GGA1: variants seen among roughly 807,000 people sequenced by gnomAD.
GGA1 encodes the protein golgi associated, gamma adaptin ear containing, ARF binding protein 1.
GGA1 carries 18 observed loss-of-function variants against 76.9 expected under a neutral mutation model. That is an observed-to-expected ratio of 0.23 (90% CI 0.16 to 0.35). The LOEUF is 0.35. GGA1 is among the 10% of genes least tolerant of loss of function. The probability of loss-of-function intolerance (pLI) is 1.00; values close to 1 mark genes in which losing one functional copy is unlikely to be tolerated. For missense variants in GGA1, 755 were observed against 859.0 expected (o/e 0.88, Z 1.51); for synonymous variants, 342 against 354.7 (o/e 0.96, Z 0.40).
At chr22:37,610,910 G>C (rs995434309) in intron 1 of GGA1, among the ~76,000 whole-genome samples, 6 of 152,234 alleles carry the variant, frequency 3.9e-5, no homozygotes, top group African/African-American at 1.4e-4. Context: ...CTTTCAGCCA[G>C]AGGCAGGGGG....
At chr22:37,612,713 G>A (rs2145881405) in intron 1 of GGA1, 1 of 156,382 alleles carries the variant, frequency 6.4e-6, no homozygotes, top group Middle Eastern at 3.2e-3. Context: ...GGCGGAGCTT[G>A]CAGTGAGCCG....
At chr22:37,616,850 G>A (rs1928890660) in intron 2 of GGA1, 72 bp from the exon 3 acceptor site, 1 of 1,465,934 alleles carries the variant, frequency 6.8e-7, no homozygotes, top group Non-Finnish European at 9.0e-7. Context: ...AGTCCCAGCG[G>A]CCTGGGGTCG....
chr22:37,620,922 C>A lies in GGA1; in HGVS notation c.528+9C>A. On this transcript the variant is annotated intron_variant, in intron 6 of 16. Coordinates refer to ENST00000343632, the MANE Select transcript of GGA1 (RefSeq NM_013365.5). ...ATGAGGAGAAATCCAAGGTGAGACT[C>A]CAAGGAGGCACATATGGGGACTCTG... 6.5e-7 allele frequency: 1 copy of A among 1,549,924 alleles called. No homozygotes were observed. The highest frequency in any genetic ancestry group is 1.7e-5 in the Admixed American group (1 of 59,948).
rs1221411442 is a variant in GGA1 at position 37,632,080 on chromosome 22, C to T, written c.1613C>T (p.Ser538Phe). ...GCCCGGGACCCACTGCCAGGGCGCT[C>T]CGACGTGCTGGTGGTGGTGGTTTCC... Reference protein sequence around the residue: ...HFARDPLPGRSDVLVVVVSML... With the variant: ...HFARDPLPGRFDVLVVVVSML... Residue 538 changes from serine to phenylalanine, a missense_variant, in exon 15 of 17, where the codon TCC (serine) becomes TTC (phenylalanine). Physicochemically the swap from Ser to Phe is radical, Grantham distance 155 (BLOSUM62 -2). Transcript: ENST00000343632. This position sits in a 1 kb window ranked among gnomAD's most constrained non-coding sequence, Gnocchi z 5.1. The T allele has an allele frequency of 1.9e-6, 3 of 1,613,758 alleles. No individual in the cohort carries two copies. The highest frequency in any genetic ancestry group is 2.5e-6 in the Non-Finnish European group (3 of 1,179,930).
At chr22:37,630,732 A>G in intron 13 of GGA1, 171 bp from the exon 14 acceptor site, 2 of 580,262 alleles carry the variant, frequency 3.4e-6, no homozygotes, top group Non-Finnish European at 6.1e-6. Context: ...ACGCCCAGCT[A>G]GTTTTTTGTA....
At chr22:37,611,390 G>A (rs1351435359) in intron 1 of GGA1, among the ~76,000 whole-genome samples, 1 of 152,110 alleles carries the variant, frequency 6.6e-6, no homozygotes, top group East Asian at 1.9e-4. Context: ...CCACCTCCCA[G>A]GCTGTCTGCA....
chr22:37,620,410 C>T, intron 5 of GGA1, 49 bp downstream of exon 5: 1 of 1,606,592 alleles, frequency 6.2e-7, no homozygotes, highest in Non-Finnish European at 8.5e-7. Flanking sequence ...CTTCCCCTCC[C>T]CCACCATGAG....
In GGA1 at chr22:37,626,098, G is replaced by A. The variant is rs756358974; in HGVS notation, c.1093+149G>A. On this transcript the variant is annotated intron_variant, in intron 11 of 16. Transcript: ENST00000343632. ...AGCATTAGGCCCACTTCACAACTGA[G>A]GAAACTGAGGCTCGGGGAAGTTAGG... 2.6e-5 allele frequency: 13 copies of A among 502,764 alleles called. No homozygotes were observed. The South Asian group carries it at 5.4e-4, about 21-fold the overall frequency. The allele number at this position is 502,764 out of a possible 1,614,324, so 31.1% of individuals were successfully genotyped here. A position where few individuals can be genotyped will look rare whatever the true frequency, so the allele number is the denominator to read the frequency against.
At chr22:37,620,143 GGA>G in intron 4 of GGA1, 93 bp from the exon 5 acceptor site, 1 of 1,419,296 alleles carries the variant, frequency 7.0e-7, no homozygotes, top group Non-Finnish European at 9.9e-7. Flanking sequence ...GGCTTCCCGG[GGA>G]GTCCTGGGGA....
rs948388892 is a variant in GGA1 at position 37,625,209 on chromosome 22, G to A, written c.940+133G>A. The A allele has an allele frequency of 4.9e-5, 38 of 769,812 alleles. No homozygotes were observed. In the African/African-American group the frequency reaches 5.3e-4, roughly 11 times the overall value. 47.7% of individuals were successfully genotyped at this position (769,812 alleles called of 1,614,324 possible). A position where few individuals can be genotyped will look rare whatever the true frequency, so the allele number is the denominator to read the frequency against. Reference sequence around the variant, plus strand: ...ACCCTGGCCCCTTAAGATGGGGAAGGCCCCAGGGAGGGAGCTGGGGGTGAA... The same window carrying A: ...ACCCTGGCCCCTTAAGATGGGGAAGACCCCAGGGAGGGAGCTGGGGGTGAA... On this transcript the variant is annotated intron_variant, in intron 10 of 16. Transcript: ENST00000343632. This position sits in a 1 kb window ranked among gnomAD's most constrained non-coding sequence, Gnocchi z 4.1.
chr22:37,613,462 G>A (rs1304244521), intron 1 of GGA1, among the ~76,000 whole-genome samples: 16 of 151,840 alleles, frequency 1.1e-4, no homozygotes, highest in African/African-American at 3.4e-4. Context: ...GGGCAGTGGC[G>A]AGACCTCGGC....
In GGA1 at chr22:37,625,850, A is replaced by G. The variant is rs770902415; in HGVS notation, c.994A>G (p.Thr332Ala). 1.9e-6 allele frequency: 3 copies of G among 1,611,538 alleles called. No individual in the cohort carries two copies. Among genetic ancestry groups the G allele is most frequent in the Non-Finnish European group, 2.5e-6 (3 of 1,178,518 alleles). ...AGGCCTGGATCTCCCGCCTGCGGGCACCACCTACCCAGCTATGCCCACCCG... is the reference window on the plus strand; with the variant it reads ...AGGCCTGGATCTCCCGCCTGCGGGCGCCACCTACCCAGCTATGCCCACCCG... ...LSGLDLPPAG[T>A]TYPAMPTRPG... Residue 332 changes from threonine to alanine, a missense_variant, in exon 11 of 17, where the codon ACC becomes GCC. Physicochemically the swap from Thr to Ala is moderately conservative, Grantham distance 58 (BLOSUM62 0). Transcript: ENST00000343632. The surrounding 1 kb of genome is among the most constrained non-coding windows in gnomAD (Gnocchi z 4.1).
Position 37,613,968 on chromosome 22 carries a change from G to C in GGA1, c.44-222G>C, listed in dbSNP as rs1238413646. On this transcript the variant is annotated intron_variant, in intron 1 of 16. Coordinates refer to ENST00000343632, the MANE Select transcript of GGA1 (RefSeq NM_013365.5). Reference sequence around the variant, plus strand: ...GAGGAGGGGAAGGGCCCTGACCATAGTCTCTAAAAGTGGGGCCCTTTGGAG... The same window carrying C: ...GAGGAGGGGAAGGGCCCTGACCATACTCTCTAAAAGTGGGGCCCTTTGGAG... The C allele has an allele frequency of 1.3e-5, 7 of 528,622 alleles. No individual in the cohort carries two copies. In the South Asian group the frequency reaches 1.4e-4, roughly 11 times the overall value. The allele number at this position is 528,622 out of a possible 1,614,324, so 32.7% of individuals were successfully genotyped here. A position where few individuals can be genotyped will look rare whatever the true frequency, so the allele number is the denominator to read the frequency against.
intron 4 of GGA1, 28 bp downstream of exon 4, chr22:37,618,574 C>T (rs1363458773): frequency 2.9e-6 from 4 of 1,387,970 alleles, no homozygotes; most frequent in Non-Finnish European, 4.1e-6. Context: ...AAGCTCAGAC[C>T]TGCCCTGTCG....
chr22:37,625,775 A>C lies in GGA1; in HGVS notation c.941-22A>C. 1 of 1,534,982 alleles carries C rather than the reference A, an allele frequency of 6.5e-7. No individual in the cohort carries two copies. The highest frequency in any genetic ancestry group is 8.8e-7 in the Non-Finnish European group (1 of 1,133,670). ...GACACGTGTACACCCAGGACTTGCC[A>C]GCCTCTTCTTTCCCACCCCAGGGAG... is the stretch of plus-strand genomic sequence containing the variant. On this transcript the variant is annotated intron_variant, in intron 10 of 16. Coordinates refer to ENST00000343632, the MANE Select transcript of GGA1 (RefSeq NM_013365.5). This position sits in a 1 kb window ranked among gnomAD's most constrained non-coding sequence, Gnocchi z 4.1.
chr22:37,619,719 C>T, intron 4 of GGA1: 1 of 748,026 alleles, frequency 1.3e-6, no homozygotes, highest in Non-Finnish European at 2.5e-6. Context: ...AGCCCACCCC[C>T]TTGGCCCTTC....
At position 37,616,832 on chromosome 22, in the gene GGA1, A is replaced by G. The variant is rs1928885740; in HGVS notation, c.129-90A>G. 4 of 1,412,462 alleles carry G rather than the reference A, an allele frequency of 2.8e-6. No homozygotes were observed. In the Admixed American group the frequency reaches 8.9e-5, roughly 31 times the overall value. 87.5% of individuals were successfully genotyped at this position (1,412,462 alleles called of 1,614,324 possible). ...TAGGGCGACCAGGGCCCCTTGGAGG[A>G]GGGCTGCAGTCCCAGCGGCCTGGGG... On this transcript the variant is annotated intron_variant, in intron 2 of 16. Transcript: ENST00000343632.
chr22:37,614,648 T>C (rs1928404908), intron 2 of GGA1, among the ~76,000 whole-genome samples: 1 of 152,218 alleles, frequency 6.6e-6, no homozygotes, highest in Non-Finnish European at 1.5e-5. Flanking sequence ...GTAGGCCCTT[T>C]GCTCAAGGAC....
chr22:37,633,552 C>T lies in GGA1; in HGVS notation c.*841C>T, dbSNP rs1020563204. 1 of 152,180 alleles carries T rather than the reference C, an allele frequency of 6.6e-6. No homozygotes were observed. Among genetic ancestry groups the T allele is most frequent in the African/African-American group, 2.4e-5 (1 of 41,402 alleles). The allele number at this position is 152,180 out of a possible 1,614,324, so 9.4% of individuals were successfully genotyped here. ...AGGAGTATTTATGAAAATAAAACGT[C>T]GTTTTTCCTGGACCAGCTGCTCTCG... On this transcript the variant is annotated 3_prime_UTR_variant, in exon 17 of 17. Coordinates refer to ENST00000343632, the MANE Select transcript of GGA1 (RefSeq NM_013365.5).
Sources: gnomAD v4.1 joint callset for allele counts (sites outside exome capture counted in the v4.1 genomes callset) on GRCh38, gnomAD v4.1.1 for gene constraint, Gnocchi (gnomAD v3.1) non-coding constraint, MANE v1.5 for transcripts, NCBI Gene and HGNC (gene_info 2026-07-23, HGNC 2026-07-21) for gene names.